The following PZP variants were observed in gnomAD, a reference collection of about 807,000 sequenced individuals.
The protein encoded by PZP is PZP alpha-2-macroglobulin like, also known as pregnancy zone protein.
A neutral mutation model predicts 179.8 loss-of-function variants in PZP; 150 were observed. The ratio of observed to expected loss-of-function variants is 0.83; its 90% CI spans 0.73 to 0.96. The LOEUF (loss-of-function observed/expected upper bound fraction) is 0.96, where lower values mean the gene tolerates loss of function less well. PZP is among the 40% of genes least tolerant of loss of function. The probability of loss-of-function intolerance (pLI) is 0.00; values close to 1 mark genes in which losing one functional copy is unlikely to be tolerated. For missense variants in PZP, 1,689 were observed against 1,764.0 expected (o/e 0.96, Z 0.76); for synonymous variants, 624 against 652.3 (o/e 0.96, Z 0.66).
intron 10 of PZP, among the ~76,000 whole-genome samples, chr12:9,194,766 A>G (rs1304722016): frequency 1.3e-5 from 2 of 152,102 alleles, no homozygotes; most frequent in African/African-American, 4.8e-5. Context: ...GCCCGGCCAA[A>G]GTCAGGGAGA....
In PZP at chr12:9,196,623, C is replaced by T. The variant is rs778502150; in HGVS notation, c.930G>A (p.Thr310=). The T allele has an allele frequency of 5.9e-5, 96 of 1,613,732 alleles. 4 individuals carry two copies. The South Asian group carries it at 7.6e-4, about 13-fold the overall frequency. Reference sequence around the variant, plus strand: ...CCACTCTAAGCTTCATTTCAAAGCCCGTATTTGTAATCTGGAGCATTTTGG... The same window carrying T: ...CCACTCTAAGCTTCATTTCAAAGCCTGTATTTGTAATCTGGAGCATTTTGG... The part of the protein sequence containing the change: ...VHTKMLQITN[T]GFEMKLRVEA... Residue 310 remains threonine, a synonymous_variant, in exon 9 of 36, where the codon ACG becomes ACA. Transcript: ENST00000261336.
At chr12:9,185,456 A>C (rs897438966) in intron 13 of PZP, among the ~76,000 whole-genome samples, 3 of 152,156 alleles carry the variant, frequency 2.0e-5, no homozygotes, top group African/African-American at 7.2e-5. Flanking sequence ...TGAATCTACA[A>C]CTCCTTGATA....
chr12:9,190,660 A>AT (rs1943409394), intron 13 of PZP, among the ~76,000 whole-genome samples: 1 of 152,220 alleles, frequency 6.6e-6, no homozygotes, highest in South Asian at 2.1e-4. Flanking sequence ...GTTTACCTAC[A>AT]TAACAAACCT....
At chr12:9,194,039 T>C in intron 11 of PZP, 38 bp downstream of exon 11, 1 of 1,568,324 alleles carries the variant, frequency 6.4e-7, no homozygotes, top group Non-Finnish European at 8.8e-7. Context: ...GTTCCTAACA[T>C]TTCCTTTGTC....
In PZP at chr12:9,169,406, G is replaced by A. The variant is rs761084684; in HGVS notation, c.2001+24C>T. 70 of 1,550,726 alleles carry A rather than the reference G, an allele frequency of 4.5e-5. 1 individual carries two copies. The Middle Eastern group carries it at 8.7e-4, about 19-fold the overall frequency. ...CATTCAAAAACTCACAAGCCAGCAT[G>A]TTAATAAGTAGTGAGAATTTTACCT... is the stretch of plus-strand genomic sequence containing the variant. On this transcript the variant is annotated intron_variant, in intron 16 of 35. Coordinates refer to ENST00000261336, the MANE Select transcript of PZP (RefSeq NM_002864.3).
At chr12:9,174,214 T>C (rs891706748) in intron 15 of PZP, among the ~76,000 whole-genome samples, 4 of 152,068 alleles carry the variant, frequency 2.6e-5, no homozygotes, top group Non-Finnish European at 4.4e-5. Context: ...TAAACAGAAC[T>C]AAAGACAAAA....
intron 15 of PZP, 119 bp from the exon 16 acceptor site, chr12:9,169,710 G>C: frequency 1.1e-6 from 1 of 923,790 alleles, no homozygotes; most frequent in Admixed American, 3.6e-5. Context: ...CATGTAGTTG[G>C]TACCTTAGAG....
At chr12:9,151,198 C>T (rs982741923) in intron 33 of PZP, among the ~76,000 whole-genome samples, 1 of 152,132 alleles carries the variant, frequency 6.6e-6, no homozygotes, top group Non-Finnish European at 1.5e-5. Flanking sequence ...TAGGCAACCA[C>T]TGGGGTCATA....
At position 9,158,954 on chromosome 12, in the gene PZP, A is replaced by G. The variant is rs1940973441; in HGVS notation, c.3138-378T>C. Among the ~76,000 whole-genome samples, 4 of 152,028 alleles carry G rather than the reference A, an allele frequency of 2.6e-5. No individual in the cohort carries two copies. The South Asian group carries it at 8.3e-4, about 31-fold the overall frequency. On this transcript the variant is annotated intron_variant, in intron 25 of 35. Transcript: ENST00000261336. The stretch of plus-strand genomic sequence containing the variant: ...CTAGATTTCTTAGCTTACTTTCTGT[A>G]GTTTTAACTCTAATCAGCTAACTTC...
intron 21 of PZP, 46 bp downstream of exon 21, chr12:9,163,622 G>A (rs746423289): frequency 1.2e-5 from 19 of 1,600,684 alleles, no homozygotes; most frequent in Admixed American, 5.1e-5. Context: ...GTGACCGCCC[G>A]GTGTTGCATT....
At chr12:9,195,980 A>G (rs1943751233) in intron 10 of PZP, among the ~76,000 whole-genome samples, 1 of 152,176 alleles carries the variant, frequency 6.6e-6, no homozygotes, top group African/African-American at 2.4e-5. Context: ...ACTGACAGCC[A>G]TAAATGTTAC....
chr12:9,150,449 A>T (rs867712603), intron 34 of PZP, among the ~76,000 whole-genome samples, 195 bp downstream of exon 34: 9 of 152,110 alleles, frequency 5.9e-5, no homozygotes, highest in African/African-American at 2.2e-4. Flanking sequence ...CACCCAGCTA[A>T]TTTTTTGTAT....
chr12:9,184,052 A>C (rs1414853801), intron 13 of PZP, among the ~76,000 whole-genome samples: 3 of 152,212 alleles, frequency 2.0e-5, no homozygotes, highest in Non-Finnish European at 4.4e-5. Flanking sequence ...AATGTCATAA[A>C]ACCAGAAAAA....
downstream of PZP, among the ~76,000 whole-genome samples, chr12:9,145,437 A>G (rs1271127548): frequency 2.6e-5 from 4 of 152,218 alleles, no homozygotes; most frequent in Admixed American, 1.3e-4. Context: ...AATCACATAC[A>G]AAAACTTTGC....
intron 28 of PZP, chr12:9,156,031 C>A: frequency 5.4e-6 from 1 of 185,864 alleles, no homozygotes; most frequent in South Asian, 1.2e-4. Context: ...TGGCTAAGAT[C>A]AAATGAAGAA....
intron 15 of PZP, among the ~76,000 whole-genome samples, chr12:9,173,824 A>C (rs527598667): frequency 2.0e-5 from 3 of 152,216 alleles, no homozygotes; most frequent in Non-Finnish European, 4.4e-5. Flanking sequence ...TCTGAAATTG[A>C]GGCAGTAATA....
downstream of PZP, among the ~76,000 whole-genome samples, chr12:9,146,530 T>G (rs141799699): frequency 3.3e-5 from 5 of 152,204 alleles, no homozygotes; most frequent in African/African-American, 1.2e-4. Context: ...ATTTTGTTCC[T>G]CTTTAAAGGA....
At chr12:9,148,708 C>CT, downstream of PZP, 1 of 396,312 alleles carries the variant, frequency 2.5e-6, no homozygotes, top group Non-Finnish European at 4.5e-6. Flanking sequence ...TACCTGCAAC[C>CT]TCCACTCTGC....
intron 19 of PZP, among the ~76,000 whole-genome samples, chr12:9,164,480 T>C (rs1400131699): frequency 6.6e-6 from 1 of 152,222 alleles, no homozygotes; most frequent in Non-Finnish European, 1.5e-5. Flanking sequence ...TTAGGGTAGC[T>C]TGTGGACGTG....
Sources: allele counts gnomAD v4.1 joint callset (sites outside exome capture counted in the v4.1 genomes callset), GRCh38; gene constraint gnomAD v4.1.1; transcripts MANE v1.5; gene names NCBI Gene and HGNC (gene_info 2026-07-23, HGNC 2026-07-21).